The following SPMIP3 variants were observed in gnomAD, a reference collection of about 807,000 sequenced individuals.
SPMIP3 encodes the protein sperm microtubule inner protein 3.
chr1:244,359,271 G>A, the SPMIP3 span, among the ~76,000 whole-genome samples: 1 of 152,062 alleles, frequency 6.6e-6, no homozygotes, highest in Admixed American at 6.6e-5. Context: ...AAACACCATT[G>A]CTAATGCATT....
the SPMIP3 span, among the ~76,000 whole-genome samples, chr1:244,361,953 A>G: frequency 2.1e-4 from 32 of 152,328 alleles, no homozygotes; most frequent in South Asian, 5.6e-3. Context: ...AGATTAACCA[A>G]GAGCTCAGCT....
At chr1:244,364,418 C>T in the SPMIP3 span, among the ~76,000 whole-genome samples, 2 of 152,000 alleles carry the variant, frequency 1.3e-5, no homozygotes, top group Admixed American at 6.6e-5. Context: ...TTTTTATTTT[C>T]TTATTGATTT....
At chr1:244,380,685 C>G in the SPMIP3 span, among the ~76,000 whole-genome samples, 1 of 152,154 alleles carries the variant, frequency 6.6e-6, no homozygotes, top group Non-Finnish European at 1.5e-5. Context: ...TGAGCGTCAC[C>G]TGTACTATTA....
chr1:244,354,366 T>C, the SPMIP3 span, among the ~76,000 whole-genome samples: 3 of 150,732 alleles, frequency 2.0e-5, no homozygotes, highest in Non-Finnish European at 4.4e-5. Context: ...TTTTTTTTTT[T>C]TTTTTTTTGA....
At chr1:244,379,685 A>G in the SPMIP3 span, among the ~76,000 whole-genome samples, 1 of 152,204 alleles carries the variant, frequency 6.6e-6, no homozygotes, top group Non-Finnish European at 1.5e-5. Flanking sequence ...CATGTAAAAA[A>G]ATACTGAAAG....
chr1:244,375,080 G>T, the SPMIP3 span: 1 of 193,962 alleles, frequency 5.2e-6, no homozygotes, highest in Non-Finnish European at 1.0e-5. Context: ...TACCTGATAT[G>T]TTACATATTT....
chr1:244,364,735 G>A, the SPMIP3 span: 104 of 1,613,786 alleles, frequency 6.4e-5, no homozygotes, highest in East Asian at 2.5e-4. Context: ...TTTATTGAGC[G>A]TCGCCCAGTG....
At chr1:244,353,347 C>G in the SPMIP3 span, among the ~76,000 whole-genome samples, 1 of 152,086 alleles carries the variant, frequency 6.6e-6, no homozygotes, top group Non-Finnish European at 1.5e-5. Flanking sequence ...GAGTTTGAGA[C>G]CAGCCCGGGC....
At chr1:244,364,009 G>A in the SPMIP3 span, among the ~76,000 whole-genome samples, 2 of 152,100 alleles carry the variant, frequency 1.3e-5, no homozygotes, top group African/African-American at 4.8e-5. Flanking sequence ...AATGAGACAG[G>A]ATCTTGGGTC....
the SPMIP3 span, chr1:244,375,425 T>A: frequency 2.5e-6 from 4 of 1,614,088 alleles, no homozygotes; most frequent in Admixed American, 6.7e-5. Context: ...CCTGGGCAGC[T>A]GGCAAGACTC....
chr1:244,360,156 C>T, the SPMIP3 span, among the ~76,000 whole-genome samples: 86 of 152,044 alleles, frequency 5.7e-4, no homozygotes, highest in East Asian at 0.012. Context: ...GCAAATGAAT[C>T]CTGCAATGGG....
At chr1:244,369,692 G>A in the SPMIP3 span, among the ~76,000 whole-genome samples, 1 of 152,188 alleles carries the variant, frequency 6.6e-6, no homozygotes, top group Non-Finnish European at 1.5e-5. Flanking sequence ...GTTGGACCAG[G>A]TGTGCCATTT....
At chr1:244,387,171 G>T in the SPMIP3 span, among the ~76,000 whole-genome samples, 1 of 152,022 alleles carries the variant, frequency 6.6e-6, no homozygotes, top group East Asian at 1.9e-4. Flanking sequence ...GGGTGGTGGC[G>T]GGCACCTGTA....
chr1:244,358,115 A>G, the SPMIP3 span, among the ~76,000 whole-genome samples: 2 of 152,106 alleles, frequency 1.3e-5, no homozygotes, highest in African/African-American at 4.8e-5. Flanking sequence ...CTGTAATCCC[A>G]GCTGCTCGGG....
At chr1:244,388,631 A>G in the SPMIP3 span, among the ~76,000 whole-genome samples, 1 of 152,236 alleles carries the variant, frequency 6.6e-6, no homozygotes, top group Non-Finnish European at 1.5e-5. Context: ...AATGAGTACA[A>G]TTTGATACAA....
At chr1:244,359,903 G>C in the SPMIP3 span, among the ~76,000 whole-genome samples, 6 of 151,876 alleles carry the variant, frequency 4.0e-5, no homozygotes, top group African/African-American at 1.2e-4. Flanking sequence ...AAGGTGAAGA[G>C]ATTGAGACCA....
chr1:244,372,791 C>T, the SPMIP3 span, among the ~76,000 whole-genome samples: 16 of 152,122 alleles, frequency 1.1e-4, no homozygotes, highest in South Asian at 2.1e-4. Flanking sequence ...TGGGACATCC[C>T]GAAAGACCCC....
the SPMIP3 span, among the ~76,000 whole-genome samples, chr1:244,380,391 AT>A: frequency 6.6e-6 from 1 of 152,144 alleles, no homozygotes; most frequent in Non-Finnish European, 1.5e-5. Flanking sequence ...AAGTGGTGGG[AT>A]TACAGGCGTG....
At chr1:244,388,999 A>G in the SPMIP3 span, 1 of 1,614,074 alleles carries the variant, frequency 6.2e-7, no homozygotes, top group Non-Finnish European at 8.5e-7. Flanking sequence ...CGACCGCTTA[A>G]TTCACTGCCA....
Sources: allele counts gnomAD v4.1 joint callset (sites outside exome capture counted in the v4.1 genomes callset), GRCh38; gene constraint gnomAD v4.1.1; transcripts MANE v1.5; gene names NCBI Gene and HGNC (gene_info 2026-07-23, HGNC 2026-07-21).